Variants in PLA2R1 observed in about 807,000 individuals in gnomAD.
The protein encoded by PLA2R1 is secretory phospholipase A2 receptor.
In PLA2R1, 158 loss-of-function variants were observed where a neutral mutation model predicts 195.9. That is an observed-to-expected ratio of 0.81 (90% CI 0.71 to 0.92). PLA2R1 has a LOEUF of 0.92. Ranked by LOEUF, PLA2R1 falls within the 40% of genes least tolerant of loss-of-function variation. PLA2R1 has a pLI of 0.00. For missense variants in PLA2R1, 1,626 were observed against 1,764.6 expected (o/e 0.92, Z 1.41); for synonymous variants, 586 against 598.2 (o/e 0.98, Z 0.30).
chr2:160,042,800 C>CGTGTGTGT (rs111414981), intron 2 of PLA2R1, among the ~76,000 whole-genome samples: 36 of 119,608 alleles, frequency 3.0e-4, no homozygotes, highest in Admixed American at 1.3e-3. Context: ...TGTGTGTGTG[C>CGTGTGTGT]GTGTGTGTGT....
intron 1 of PLA2R1, among the ~76,000 whole-genome samples, chr2:160,057,625 C>T (rs564030715): frequency 6.6e-6 from 1 of 152,226 alleles, no homozygotes; most frequent in Non-Finnish European, 1.5e-5. Flanking sequence ...CCTCTGCATG[C>T]CTTCAGCACT....
At chr2:160,021,080 A>G (rs1693076139) in intron 7 of PLA2R1, among the ~76,000 whole-genome samples, 1 of 152,176 alleles carries the variant, frequency 6.6e-6, no homozygotes, top group Non-Finnish European at 1.5e-5. Context: ...AAACAAACAA[A>G]CTTTTAATGA....
chr2:159,987,332 G>T lies in PLA2R1; in HGVS notation c.1861C>A (p.Arg621=), dbSNP rs986365099. The T allele has an allele frequency of 5.6e-6, 9 of 1,611,328 alleles. No homozygotes were observed. In the African/African-American group the frequency reaches 9.4e-5, roughly 17 times the overall value. The change falls in exon 12 of 30, where the codon CGA becomes AGA. Residue 621 remains arginine (R), a synonymous_variant. Coordinates refer to ENST00000283243, the MANE Select transcript of PLA2R1 (RefSeq NM_007366.5). ...CAGCGACCAAGTGGATGCCTTCCTC[G>T]CATGGCAACACAGCCACCACTGTAG... ...PRYSGGCVAM[R]GRHPLGRWEV...
Position 159,987,246 on chromosome 2 carries a change from A to G in PLA2R1, c.1947T>C (p.Asn649=), listed in dbSNP as rs1222439883. ...AMSLCKQPVE[N]QEKAEYEERW... is the part of the protein sequence containing the mutation. ...TCTCTTCATACTCTGCTTTTTCCTGATTTTCAACTGGCTGCTTGCACAAGG... is the reference window on the plus strand; with the variant it reads ...TCTCTTCATACTCTGCTTTTTCCTGGTTTTCAACTGGCTGCTTGCACAAGG... The change falls in exon 12 of 30, where the codon AAT becomes AAC. Residue 649 remains asparagine (N), a synonymous_variant. Transcript: ENST00000283243. The G allele has an allele frequency of 1.2e-6, 2 of 1,613,748 alleles. No individual in the cohort carries two copies. The highest frequency in any genetic ancestry group is 1.7e-6 in the Non-Finnish European group (2 of 1,179,936).
chr2:159,992,097 C>G (rs1690853815), intron 11 of PLA2R1, among the ~76,000 whole-genome samples: 2 of 144,538 alleles, frequency 1.4e-5, no homozygotes, highest in African/African-American at 5.1e-5. Context: ...AAAAGTGTTC[C>G]TATTTCTCCA....
intron 1 of PLA2R1, among the ~76,000 whole-genome samples, chr2:160,056,126 G>T (rs1000047314): frequency 4.6e-5 from 7 of 152,092 alleles, no homozygotes; most frequent in Non-Finnish European, 1.0e-4. Context: ...CCCACTGCAG[G>T]TTGTGGCCCA....
Position 160,022,865 on chromosome 2 carries a change from T to C in PLA2R1, c.1100-6A>G, listed in dbSNP as rs769029504. On this transcript the variant is annotated splice_region_variant and splice_polypyrimidine_tract_variant and intron_variant, in intron 6 of 29. Coordinates refer to ENST00000283243, the MANE Select transcript of PLA2R1 (RefSeq NM_007366.5). The stretch of plus-strand genomic sequence containing the variant: ...ATATTTCCACGCATCTTTTTCTTTT[T>C]AAACCAACAAAAAACAATGTCATTT... The C allele has an allele frequency of 1.3e-6, 2 of 1,564,656 alleles. No individual in the cohort carries two copies. The highest frequency in any genetic ancestry group is 1.9e-5 in the Admixed American group (1 of 52,042).
intron 1 of PLA2R1, among the ~76,000 whole-genome samples, chr2:160,051,190 T>TTTGTATACACTTTGTATACAACTATAC (rs1695190391): frequency 6.6e-6 from 1 of 152,212 alleles, no homozygotes; most frequent in Non-Finnish European, 1.5e-5. Flanking sequence ...ACTATACACA[T>TTTGTATACACTTTGTATACAACTATAC]AAAGTCAGTC....
intron 10 of PLA2R1, 49 bp from the exon 11 acceptor site, chr2:160,005,870 A>C (rs1194140709): frequency 7.5e-7 from 1 of 1,327,010 alleles, no homozygotes; most frequent in Non-Finnish European, 1.1e-6. Flanking sequence ...TGGGCAATAA[A>C]AAAATGTCAT....
intron 25 of PLA2R1, 105 bp downstream of exon 25, chr2:159,949,502 GA>G: frequency 1.4e-6 from 1 of 719,210 alleles, no homozygotes; most frequent in Non-Finnish European, 2.2e-6. Flanking sequence ...GCTTCTTGAA[GA>G]GAGACTTCTT....
At chr2:160,048,382 AATC>A (rs1366628191) in intron 1 of PLA2R1, among the ~76,000 whole-genome samples, 5 of 152,234 alleles carry the variant, frequency 3.3e-5, no homozygotes, top group Non-Finnish European at 7.3e-5. Flanking sequence ...CACCAATAAT[AATC>A]AACATGCTGC....
At chr2:159,994,115 A>G (rs543483980) in intron 11 of PLA2R1, among the ~76,000 whole-genome samples, 5 of 152,090 alleles carry the variant, frequency 3.3e-5, no homozygotes, top group Non-Finnish European at 7.4e-5. Context: ...CTCTAGACAG[A>G]GCACACAACT....
chr2:160,053,010 CA>C (rs1459722099), intron 1 of PLA2R1, among the ~76,000 whole-genome samples: 1 of 152,188 alleles, frequency 6.6e-6, no homozygotes, highest in Non-Finnish European at 1.5e-5. Context: ...GTTGCCATAA[CA>C]AAATACCACA....
chr2:160,013,717 C>CTGTG (rs1468973726), intron 9 of PLA2R1, among the ~76,000 whole-genome samples: 1 of 109,310 alleles, frequency 9.1e-6, no homozygotes, highest in African/African-American at 3.5e-5. Flanking sequence ...CTCTCTCTCT[C>CTGTG]TCTCTGTGTG....
rs1686781982 is a variant in PLA2R1, at chr2:159,935,576, C to T, written c.*6202G>A. ...GTTCCAGCATTTCCACTGGAGAGCTCCTTCAGGTTGGTTCCTGTAGCCTTC... is the reference window on the plus strand; with the variant it reads ...GTTCCAGCATTTCCACTGGAGAGCTTCTTCAGGTTGGTTCCTGTAGCCTTC... On this transcript the variant is annotated 3_prime_UTR_variant, in exon 30 of 30. Transcript: ENST00000283243. 1 of 152,180 alleles carries T rather than the reference C, an allele frequency of 6.6e-6. No individual in the cohort carries two copies. Among genetic ancestry groups the T allele is most frequent in the Non-Finnish European group, 1.5e-5 (1 of 68,042 alleles). The allele number at this position is 152,180 out of a possible 1,614,324, so 9.4% of individuals were successfully genotyped here.
intron 20 of PLA2R1, among the ~76,000 whole-genome samples, chr2:159,965,142 G>C (rs190307512): frequency 6.6e-6 from 1 of 152,290 alleles, no homozygotes; most frequent in Non-Finnish European, 1.5e-5. Context: ...CGATGAACCT[G>C]CATTAACACA....
intron 25 of PLA2R1, among the ~76,000 whole-genome samples, chr2:159,949,353 A>G (rs1176154557): frequency 2.0e-5 from 3 of 152,168 alleles, no homozygotes; most frequent in African/African-American, 7.2e-5. Flanking sequence ...CTGCACTGCC[A>G]TGTCCTTCAA....
At chr2:159,996,159 A>G (rs542631188) in intron 11 of PLA2R1, among the ~76,000 whole-genome samples, 23 of 152,176 alleles carry the variant, frequency 1.5e-4, no homozygotes, top group Admixed American at 5.2e-4. Flanking sequence ...CTGAGCTTCT[A>G]TATCATTTTC....
intron 1 of PLA2R1, 117 bp from the exon 2 acceptor site, chr2:160,045,274 A>G (rs1368270275): frequency 1.3e-6 from 1 of 762,236 alleles, no homozygotes; most frequent in Admixed American, 2.7e-5. Flanking sequence ...CATTTCCCAC[A>G]GATCTGGAGT....
Sources: allele counts gnomAD v4.1 joint callset (sites outside exome capture counted in the v4.1 genomes callset), GRCh38; gene constraint gnomAD v4.1.1; transcripts MANE v1.5; gene names NCBI Gene and HGNC (gene_info 2026-07-23, HGNC 2026-07-21).